Variants in PANX1 observed in about 807,000 individuals in gnomAD.
PANX1 encodes pannexin-1.
Under a neutral mutation model 38.7 loss-of-function variants are expected in PANX1, and 30 were observed. The ratio of observed to expected loss-of-function variants is 0.78; its 90% confidence interval spans 0.58 to 1.05. PANX1 has a LOEUF of 1.05. Ranked by LOEUF, PANX1 falls within the 50% of genes least tolerant of loss-of-function variation. The probability of loss-of-function intolerance (pLI) is 0.00; values close to 1 mark genes in which losing one functional copy is unlikely to be tolerated. For missense variants in PANX1, 551 were observed against 517.2 expected (o/e 1.07, Z -0.63); for synonymous variants, 230 against 212.2 (o/e 1.08, Z -0.73).
At chr11:94,153,727 C>G in intron 2 of PANX1, 97 bp downstream of exon 2, 1 of 1,100,728 alleles carries the variant, frequency 9.1e-7, no homozygotes, top group Non-Finnish European at 1.3e-6. Context: ...GATATTGTAG[C>G]CAACCAGTGC....
chr11:94,163,305 T>C (rs991430189), intron 2 of PANX1, among the ~76,000 whole-genome samples: 6 of 152,212 alleles, frequency 3.9e-5, no homozygotes, highest in Admixed American at 2.0e-4. Flanking sequence ...TTGTTCCATA[T>C]CTTAGAGGAA....
At chr11:94,136,867 T>C (rs1430692546) in intron 1 of PANX1, among the ~76,000 whole-genome samples, 1 of 152,230 alleles carries the variant, frequency 6.6e-6, no homozygotes, top group African/African-American at 2.4e-5. Context: ...GAAAAGTTTA[T>C]GTGGCTCATG....
At chr11:94,178,015 C>T (rs1249670273) in intron 2 of PANX1, among the ~76,000 whole-genome samples, 9 of 148,286 alleles carry the variant, frequency 6.1e-5, no homozygotes, top group Admixed American at 6.0e-4. Context: ...AAAAACCCAG[C>T]AGAAGCCTTC....
chr11:94,134,531 C>T (rs1229421733), intron 1 of PANX1, among the ~76,000 whole-genome samples: 2 of 152,172 alleles, frequency 1.3e-5, no homozygotes, highest in Non-Finnish European at 2.9e-5. Flanking sequence ...CAATGTGATG[C>T]TAATTGGAGA....
intron 2 of PANX1, among the ~76,000 whole-genome samples, chr11:94,162,133 G>T (rs866394054): frequency 6.6e-6 from 1 of 152,172 alleles, no homozygotes; most frequent in African/African-American, 2.4e-5. Context: ...GCCCCTACTG[G>T]GGGGTGCCTC....
intron 1 of PANX1, among the ~76,000 whole-genome samples, chr11:94,141,235 A>T (rs905933646): frequency 6.6e-6 from 1 of 152,222 alleles, no homozygotes; most frequent in Admixed American, 6.5e-5. Context: ...TGCCTTCCAG[A>T]ATACCAGTTT....
chr11:94,150,234 A>G (rs1446795018), intron 1 of PANX1, among the ~76,000 whole-genome samples: 1 of 152,158 alleles, frequency 6.6e-6, no homozygotes, highest in African/African-American at 2.4e-5. Context: ...TACAAGCCAC[A>G]GCCTTCATTG....
intron 1 of PANX1, among the ~76,000 whole-genome samples, chr11:94,131,052 T>A (rs1946624392): frequency 6.6e-6 from 1 of 152,148 alleles, no homozygotes; most frequent in Non-Finnish European, 1.5e-5. Flanking sequence ...GTAGCATGAG[T>A]CCTGGAGATA....
chr11:94,146,799 T>C (rs1270738714), intron 1 of PANX1, among the ~76,000 whole-genome samples: 1 of 152,200 alleles, frequency 6.6e-6, no homozygotes, highest in East Asian at 1.9e-4. Context: ...TAATGCAATG[T>C]GTAGGGCAGG....
Position 94,137,189 on chromosome 11 carries a change from A to G in PANX1, c.181+7696A>G, listed in dbSNP as rs928972189. On this transcript the variant is annotated intron_variant, in intron 1 of 4. Coordinates refer to ENST00000227638, the MANE Select transcript of PANX1 (RefSeq NM_015368.4). ...TGTGGTGGCGCATGCCTGTAGTCCC[A>G]GCTACTTGGGAGGCTGAGACAGGAG... Among the ~76,000 whole-genome samples the G allele has an allele frequency of 2.6e-5, 4 of 152,158 alleles. No individual in the cohort carries two copies. In the East Asian group the frequency reaches 7.7e-4, roughly 29 times the overall value.
At chr11:94,161,395 C>T (rs1489938801) in intron 2 of PANX1, among the ~76,000 whole-genome samples, 1 of 152,192 alleles carries the variant, frequency 6.6e-6, no homozygotes, top group Non-Finnish European at 1.5e-5. Context: ...CTCACATAGT[C>T]CCATATTTCT....
intron 1 of PANX1, among the ~76,000 whole-genome samples, chr11:94,135,590 C>T (rs1946680689): frequency 6.6e-6 from 1 of 152,178 alleles, no homozygotes; most frequent in African/African-American, 2.4e-5. Flanking sequence ...ATCTTCAACT[C>T]ACACTAAACC....
At chr11:94,155,089 G>A (rs542255292) in intron 2 of PANX1, among the ~76,000 whole-genome samples, 4 of 151,762 alleles carry the variant, frequency 2.6e-5, no homozygotes, top group South Asian at 4.2e-4. Context: ...GGTGGCTCAT[G>A]CCTGTAATCC....
chr11:94,147,875 T>C (rs548980828), intron 1 of PANX1, among the ~76,000 whole-genome samples: 49 of 152,308 alleles, frequency 3.2e-4, no homozygotes, highest in Non-Finnish European at 6.3e-4. Context: ...CCCAGAGTTA[T>C]TTGTTGATCT....
chr11:94,172,909 A>G (rs1267614881), intron 2 of PANX1, among the ~76,000 whole-genome samples: 2 of 151,728 alleles, frequency 1.3e-5, no homozygotes, highest in East Asian at 1.9e-4. Flanking sequence ...GGCTCTCCCC[A>G]TGATGGGTTC....
At chr11:94,162,155 G>A (rs866754227) in intron 2 of PANX1, among the ~76,000 whole-genome samples, 2 of 152,220 alleles carry the variant, frequency 1.3e-5, no homozygotes, top group African/African-American at 2.4e-5. Flanking sequence ...CAGTTAGGCT[G>A]CTCGGGGGTC....
In PANX1 at chr11:94,180,872, A is replaced by G. The variant is rs1565388067; in HGVS notation, c.*3A>G. 1.9e-6 allele frequency: 3 copies of G among 1,555,988 alleles called. No individual in the cohort carries two copies. Among genetic ancestry groups the G allele is most frequent in the Non-Finnish European group, 2.7e-6 (3 of 1,127,198 alleles). ...GACTTCTGGATTCTTCTTGCTGATGATTTTTTTCCTTGAGCTGTAAATCTG... is the reference window on the plus strand; with the variant it reads ...GACTTCTGGATTCTTCTTGCTGATGGTTTTTTTCCTTGAGCTGTAAATCTG... On this transcript the variant is annotated 3_prime_UTR_variant, in exon 5 of 5. Coordinates refer to ENST00000227638, the MANE Select transcript of PANX1 (RefSeq NM_015368.4).
Position 94,153,525 on chromosome 11 carries a change from C to G in PANX1, c.216C>G (p.Phe72Leu). The change falls in exon 2 of 5, where the codon TTC becomes TTG. Residue 72 changes from phenylalanine to leucine, a missense_variant. Physicochemically the swap from Phe to Leu is conservative, Grantham distance 22. Transcript: ENST00000227638. ...TAAGCTGTTTCTCTCCAAGTTCTTT[C>G]TCCTGGCGTCAGGCTGCCTTTGTGG... ...TQISCFSPSSFSWRQAAFVDS... is the reference protein window; with the variant it reads ...TQISCFSPSSLSWRQAAFVDS... The G allele has an allele frequency of 5.0e-6, 8 of 1,614,156 alleles. No homozygotes were observed. Among genetic ancestry groups the G allele is most frequent in the Non-Finnish European group, 6.8e-6 (8 of 1,180,012 alleles).
intron 2 of PANX1, among the ~76,000 whole-genome samples, chr11:94,162,746 C>G (rs1947059694): frequency 6.6e-6 from 1 of 152,186 alleles, no homozygotes; most frequent in South Asian, 2.1e-4. Context: ...TTCTGACACT[C>G]CCCAGTGAGA....
Sources: gnomAD v4.1 joint callset for allele counts (sites outside exome capture counted in the v4.1 genomes callset) on GRCh38, gnomAD v4.1.1 for gene constraint, MANE v1.5 for transcripts, NCBI Gene and HGNC (gene_info 2026-07-23, HGNC 2026-07-21) for gene names.